Variants in PAK3 observed in about 807,000 individuals in gnomAD.
PAK3 encodes the protein p21 (RAC1) activated kinase 3.
PAK3 carries 4 observed loss-of-function variants against 41.0 expected under a neutral mutation model. The observed-to-expected ratio is 0.10, with a 90% CI of 0.05 to 0.22. The LOEUF is 0.22. Ranked by LOEUF, PAK3 falls within the 10% of genes least tolerant of loss-of-function variation. PAK3 has a pLI of 1.00. For synonymous variants in PAK3, 146 were observed against 139.6 expected (o/e 1.05, Z -0.32); for missense variants, 205 against 409.9 (o/e 0.50, Z 4.32).
chrX:111,113,570 T>A (rs978083933), intron 4 of PAK3, among the ~76,000 whole-genome samples: 2 of 111,573 alleles, frequency 1.8e-5, no homozygotes, highest in African/African-American at 6.5e-5. Flanking sequence ...CATTTTGCAA[T>A]GCACATATCC....
intron 1 of PAK3, among the ~76,000 whole-genome samples, chrX:111,023,880 A>C (rs2092230231): frequency 8.9e-6 from 1 of 112,068 alleles, no homozygotes; most frequent in Non-Finnish European, 1.9e-5. Flanking sequence ...TTTGCTGTGC[A>C]GAAACTCTTT....
intron 1 of PAK3, among the ~76,000 whole-genome samples, chrX:111,029,441 A>G (rs1329887185): frequency 8.9e-6 from 1 of 111,865 alleles, no homozygotes; most frequent in Non-Finnish European, 1.9e-5. Context: ...GAGAACATAA[A>G]CAGTCAATCA....
chrX:111,158,983 T>C (rs2094139266), intron 8 of PAK3, among the ~76,000 whole-genome samples: 1 of 111,753 alleles, frequency 8.9e-6, no homozygotes, highest in South Asian at 3.7e-4. Flanking sequence ...AGGGCCGTTT[T>C]TAGAGCCTAA....
At chrX:111,013,706 G>T (rs927328471) in intron 1 of PAK3, 4 of 111,316 alleles carry the variant, frequency 3.6e-5, no homozygotes, top group African/African-American at 1.3e-4. Context: ...ACCCCCAACA[G>T]AATTTCTTCT....
At position 111,225,858 on chromosome X, in the gene PAK3, G is replaced by T. The variant is rs772080837; in HGVS notation, c.*5411G>T. 5 of 111,498 alleles carry T rather than the reference G, an allele frequency of 4.5e-5. No individual in the cohort carries two copies. In the South Asian group the frequency reaches 1.5e-3, roughly 34 times the overall value. The allele number at this position is 111,498 out of a possible 1,213,427, so 9.2% of individuals were successfully genotyped here. ...TCTCTTATGTTGCAGTTAAATAAAA[G>T]AACTATGTAAGATGATTTTTAAAAT... On this transcript the variant is annotated 3_prime_UTR_variant, in exon 18 of 18. Transcript: ENST00000372007.
At chrX:111,087,194 G>A (rs2092893248) in intron 1 of PAK3, among the ~76,000 whole-genome samples, 1 of 109,576 alleles carries the variant, frequency 9.1e-6, no homozygotes, top group African/African-American at 3.3e-5. Flanking sequence ...GTGGGAGAGA[G>A]GTGGTGAACC....
Position 111,221,535 on chromosome X carries a change from C to T in PAK3, c.*1088C>T, listed in dbSNP as rs761762280. The stretch of plus-strand genomic sequence containing the variant: ...TGAAACATATGCACTGTAAAATAGG[C>T]ATACCAGGAGGAAATAGATACATTA... On this transcript the variant is annotated 3_prime_UTR_variant, in exon 18 of 18. Transcript: ENST00000372007. 16 of 112,117 alleles carry T rather than the reference C, an allele frequency of 1.4e-4. No individual in the cohort carries two copies. The East Asian group carries it at 4.5e-3, about 31-fold the overall frequency. The allele number at this position is 112,117 out of a possible 1,213,427, so 9.2% of individuals were successfully genotyped here.
At chrX:111,172,838 AT>A (rs1407221630) in intron 10 of PAK3, among the ~76,000 whole-genome samples, 179 bp from the exon 11 acceptor site, 3 of 111,340 alleles carry the variant, frequency 2.7e-5, no homozygotes, top group African/African-American at 9.8e-5. Flanking sequence ...AGAAAGTATC[AT>A]TTTTATGTAA....
chrX:111,141,128 G>C (rs924831310), intron 5 of PAK3, among the ~76,000 whole-genome samples: 1 of 111,180 alleles, frequency 9.0e-6, no homozygotes, highest in African/African-American at 3.3e-5. Flanking sequence ...TACATGCTCA[G>C]ATCTGCTAAT....
At chrX:111,173,824 G>C (rs1278619428) in intron 11 of PAK3, among the ~76,000 whole-genome samples, 7 of 111,558 alleles carry the variant, frequency 6.3e-5, no homozygotes, top group African/African-American at 2.3e-4. Context: ...TGTCTCTCAG[G>C]CCTCAAAGTG....
At chrX:111,132,531 G>A (rs771473462) in intron 5 of PAK3, among the ~76,000 whole-genome samples, 2 of 110,807 alleles carry the variant, frequency 1.8e-5, no homozygotes, top group Non-Finnish European at 3.8e-5. Flanking sequence ...CACCTCCCAG[G>A]AGGGCCTCGA....
intron 1 of PAK3, among the ~76,000 whole-genome samples, chrX:111,000,685 T>C (rs1759945294): frequency 8.9e-6 from 1 of 111,971 alleles, no homozygotes; most frequent in African/African-American, 3.3e-5. Context: ...GTGTTAAGAT[T>C]ACAGGAAGCT....
At chrX:110,975,284 C>CAA (rs2091304358) in intron 1 of PAK3, among the ~76,000 whole-genome samples, 1 of 111,910 alleles carries the variant, frequency 8.9e-6, no homozygotes, top group Non-Finnish European at 1.9e-5. Context: ...AATCAATGTG[C>CAA]AAAAATCACA....
intron 5 of PAK3, among the ~76,000 whole-genome samples, chrX:111,129,837 T>A (rs1262033856): frequency 9.0e-6 from 1 of 111,504 alleles, no homozygotes; most frequent in Non-Finnish European, 1.9e-5. Flanking sequence ...AAGAGTGCTG[T>A]ATCAAACACG....
intron 1 of PAK3, among the ~76,000 whole-genome samples, chrX:110,976,595 A>C (rs894263269): frequency 1.8e-5 from 2 of 111,847 alleles, no homozygotes; most frequent in African/African-American, 3.3e-5. Flanking sequence ...TTGACCCAGC[A>C]ATCCCATTAC....
chrX:111,140,056 G>A (rs2093849940), intron 5 of PAK3, among the ~76,000 whole-genome samples: 1 of 111,276 alleles, frequency 9.0e-6, no homozygotes, highest in South Asian at 3.9e-4. Flanking sequence ...CAGGGCCCTG[G>A]AGGGGCCCCG....
At chrX:110,952,162 C>T (rs185372261) in intron 1 of PAK3, among the ~76,000 whole-genome samples, 1 of 112,105 alleles carries the variant, frequency 8.9e-6, no homozygotes, top group African/African-American at 3.2e-5. Flanking sequence ...TCTTCTTGTG[C>T]CTGTTTTCTG....
chrX:111,092,235 A>G (rs1198561425), upstream of PAK3, among the ~76,000 whole-genome samples: 1 of 112,001 alleles, frequency 8.9e-6, no homozygotes, highest in Non-Finnish European at 1.9e-5. Flanking sequence ...TGTTTCTTAC[A>G]AGTAAAATAT....
intron 1 of PAK3, among the ~76,000 whole-genome samples, chrX:111,029,511 AGTATGCC>A (rs2092316048): frequency 8.9e-6 from 1 of 112,146 alleles, no homozygotes; most frequent in South Asian, 3.7e-4. Context: ...AGTACAATAA[AGTATGCC>A]AGGAAAAATA....
Sources: gnomAD v4.1 joint callset for allele counts (sites outside exome capture counted in the v4.1 genomes callset) on GRCh38, gnomAD v4.1.1 for gene constraint, MANE v1.5 for transcripts, NCBI Gene and HGNC (gene_info 2026-07-23, HGNC 2026-07-21) for gene names.